Variants in CACHD1 observed in about 807,000 individuals in gnomAD.
CACHD1 encodes the protein cache domain containing 1.
CACHD1 carries 71 observed loss-of-function variants against 138.7 expected under a neutral mutation model. The ratio of observed to expected loss-of-function variants is 0.51; its 90% CI spans 0.42 to 0.62. The LOEUF is 0.62. CACHD1 is among the 20% of genes least tolerant of loss of function. The pLI is 0.00. For synonymous variants in CACHD1, 578 were observed against 591.5 expected (o/e 0.98, Z 0.33); for missense variants, 1,389 against 1,625.3 (o/e 0.85, Z 2.50).
chr1:64,594,253 T>TAAAAA (rs5774710), intron 3 of CACHD1, among the ~76,000 whole-genome samples: 1 of 138,008 alleles, frequency 7.2e-6, no homozygotes, highest in East Asian at 2.1e-4. Flanking sequence ...AAACTTTGTC[T>TAAAAA]AAAAAAAAAA....
chr1:64,615,452 G>A (rs981192202), intron 4 of CACHD1, among the ~76,000 whole-genome samples: 1 of 152,158 alleles, frequency 6.6e-6, no homozygotes. Context: ...TTACTGTATG[G>A]CACATTCTTA....
intron 4 of CACHD1, among the ~76,000 whole-genome samples, chr1:64,606,484 G>A (rs550454872): frequency 6.6e-6 from 1 of 152,050 alleles, no homozygotes; most frequent in Non-Finnish European, 1.5e-5. Context: ...AGAGGCAGTC[G>A]GGGGCCAGGT....
At chr1:64,563,331 T>C (rs2100490260) in intron 2 of CACHD1, among the ~76,000 whole-genome samples, 1 of 152,308 alleles carries the variant, frequency 6.6e-6, no homozygotes, top group African/African-American at 2.4e-5. Flanking sequence ...AAAATGATAC[T>C]TAGCAGGTAT....
intron 1 of CACHD1, among the ~76,000 whole-genome samples, chr1:64,489,228 G>GT (rs951555454): frequency 3.4e-4 from 51 of 152,238 alleles, no homozygotes; most frequent in African/African-American, 1.1e-3. Flanking sequence ...CTTCAACTTG[G>GT]TTTTTTATTT....
At chr1:64,649,808 T>C (rs955305766) in intron 9 of CACHD1, among the ~76,000 whole-genome samples, 1 of 152,188 alleles carries the variant, frequency 6.6e-6, no homozygotes, top group African/African-American at 2.4e-5. Context: ...CAAATTTTGC[T>C]CCTTGGGGCC....
chr1:64,510,545 G>A (rs1165215858), intron 1 of CACHD1, among the ~76,000 whole-genome samples: 1 of 152,148 alleles, frequency 6.6e-6, no homozygotes, highest in Non-Finnish European at 1.5e-5. Context: ...GGTTGTTTAG[G>A]TAGCTTAATC....
chr1:64,674,679 A>G (rs567827607), intron 19 of CACHD1, among the ~76,000 whole-genome samples: 5 of 152,326 alleles, frequency 3.3e-5, no homozygotes, highest in Admixed American at 2.6e-4. Context: ...AAGCATATAT[A>G]CAGGGTGAAT....
intron 12 of CACHD1, among the ~76,000 whole-genome samples, chr1:64,657,984 G>A (rs1649321276): frequency 1.3e-5 from 2 of 152,154 alleles, no homozygotes; most frequent in African/African-American, 4.8e-5. Context: ...AAATTTTGTT[G>A]AAGCATCCAT....
chr1:64,559,141 A>G (rs1646819989), intron 2 of CACHD1, among the ~76,000 whole-genome samples: 1 of 152,238 alleles, frequency 6.6e-6, no homozygotes, highest in African/African-American at 2.4e-5. Flanking sequence ...CAATCCCATT[A>G]TTGGGTATAT....
At chr1:64,608,589 T>C (rs998642852) in intron 4 of CACHD1, among the ~76,000 whole-genome samples, 28 of 152,194 alleles carry the variant, frequency 1.8e-4, no homozygotes, top group African/African-American at 6.5e-4. Context: ...CCAACACATA[T>C]GTGTATTCTT....
At chr1:64,642,115 T>G (rs141878695) in intron 8 of CACHD1, 146 bp downstream of exon 8, 126 of 605,512 alleles carry the variant, frequency 2.1e-4, no homozygotes, top group Non-Finnish European at 2.7e-4. Context: ...CTACCTGATG[T>G]TGGTATTTAG....
chr1:64,480,958 G>A (rs1646207661), intron 1 of CACHD1, among the ~76,000 whole-genome samples: 1 of 150,864 alleles, frequency 6.6e-6, no homozygotes, highest in Non-Finnish European at 1.5e-5. Context: ...ATTTGATGAT[G>A]GAACAAACTA....
rs1237451042 is a variant in CACHD1 at position 64,477,619 on chromosome 1, TTA to T, written c.198+6679_198+6680del. Among the ~76,000 whole-genome samples the T allele has an allele frequency of 9.3e-4, 128 of 137,062 alleles. 3 individuals carry two copies. In the East Asian group the frequency reaches 0.025, roughly 26 times the overall value. The allele number at this position is 137,062 out of a possible 152,430, so 89.9% of individuals were successfully genotyped here. ...ATTATTATTATTATTATTATTATTA[TTA>T]TTATTTTATTTTATTTTTTTTTTTG... On this transcript the variant is annotated intron_variant, in intron 1 of 26. Coordinates refer to ENST00000651257, the MANE Select transcript of CACHD1 (RefSeq NM_020925.4).
intron 4 of CACHD1, among the ~76,000 whole-genome samples, chr1:64,618,079 T>G (rs1267042937): frequency 5.7e-5 from 2 of 35,074 alleles, no homozygotes; most frequent in Admixed American, 6.9e-4. Context: ...AAACTCAGTC[T>G]CAAAAAAAAA....
chr1:64,576,907 G>GT (rs71056056), intron 2 of CACHD1, among the ~76,000 whole-genome samples: 6,965 of 141,026 alleles, frequency 0.049, 193 homozygotes, highest in Non-Finnish European at 0.074. Context: ...TTGTTTGTTT[G>GT]TTTTTTTTTT....
chr1:64,588,381 G>A (rs1647068140), intron 3 of CACHD1, among the ~76,000 whole-genome samples: 1 of 151,854 alleles, frequency 6.6e-6, no homozygotes, highest in South Asian at 2.1e-4. Flanking sequence ...TATTCAGCAG[G>A]CCATACTGAT....
In CACHD1 at chr1:64,470,825, G is replaced by A. The variant is rs1004567492; in HGVS notation, c.81G>A (p.Ala27=). 21 of 1,517,560 alleles carry A rather than the reference G, an allele frequency of 1.4e-5. No homozygotes were observed. The highest frequency in any genetic ancestry group is 4.2e-4 in the Middle Eastern group (2 of 4,782). The allele number at this position is 1,517,560 out of a possible 1,614,324, so 94.0% of individuals were successfully genotyped here. A position where few individuals can be genotyped will look rare whatever the true frequency, so the allele number is the denominator to read the frequency against. ...CCCTCTGGCTGCTCTGCCTGGTCGC[G>A]TGCTGGCTCCTGGGCGCCGGGGCCG... The part of the protein sequence containing the change: ...RPPLWLLCLV[A]CWLLGAGAEA... The change falls in exon 1 of 27, where the codon GCG becomes GCA. Residue 27 remains alanine (A), a synonymous_variant. Transcript: ENST00000651257. The surrounding 1 kb of genome is among the most constrained non-coding windows in gnomAD (Gnocchi z 5.2).
At chr1:64,691,200 C>A in intron 26 of CACHD1, 123 bp from the exon 27 acceptor site, 1 of 781,408 alleles carries the variant, frequency 1.3e-6, no homozygotes, top group Non-Finnish European at 2.2e-6. Context: ...GACAGTCTGC[C>A]AGTGTTTGCA....
Position 64,675,411 on chromosome 1 carries a change from C to T in CACHD1, c.2738C>T (p.Thr913Met), listed in dbSNP as rs182391558. The T allele has an allele frequency of 1.2e-5, 19 of 1,593,218 alleles. No homozygotes were observed. The highest frequency in any genetic ancestry group is 5.6e-5 in the South Asian group (5 of 89,626). The change falls in exon 20 of 27, where the codon ACG becomes ATG. Residue 913 changes from threonine to methionine, a missense_variant. This residue lies in a region of CACHD1 where 50 missense variants were observed against 108.2 expected (regional missense o/e 0.46). Coordinates refer to ENST00000651257, the MANE Select transcript of CACHD1 (RefSeq NM_020925.4). Reference sequence around the variant, plus strand: ...TTGATTGTTCTGTAGGGGGATTTGACGAACCTTGTGCATGGCAGCCACTGT... The same window carrying T: ...TTGATTGTTCTGTAGGGGGATTTGATGAACCTTGTGCATGGCAGCCACTGT... ...KFNTSLAGDLTNLVHGSHCSK... is the reference protein window; with the variant it reads ...KFNTSLAGDLMNLVHGSHCSK...
Sources: allele counts gnomAD v4.1 joint callset (sites outside exome capture counted in the v4.1 genomes callset), GRCh38; gene constraint gnomAD v4.1.1; regional missense constraint gnomAD v4.1.1; non-coding constraint Gnocchi (gnomAD v3.1); transcripts MANE v1.5; gene names NCBI Gene and HGNC (gene_info 2026-07-23, HGNC 2026-07-21).